Variants in NKAIN2 observed in about 807,000 individuals in gnomAD.
NKAIN2 encodes the protein sodium/potassium-transporting ATPase subunit beta-1-interacting protein 2.
A neutral mutation model predicts 32.6 loss-of-function variants in NKAIN2; 14 were observed. The observed-to-expected ratio is 0.43, with a 90% CI of 0.28 to 0.67. The LOEUF is 0.67. Ranked by LOEUF, NKAIN2 falls within the 30% of genes least tolerant of loss-of-function variation. NKAIN2 has a pLI of 0.17. For missense variants in NKAIN2, 198 were observed against 258.3 expected (o/e 0.77, Z 1.60); for synonymous variants, 80 against 87.2 (o/e 0.92, Z 0.46).
At chr6:123,982,382 G>A (rs1004164821) in intron 1 of NKAIN2, among the ~76,000 whole-genome samples, 1 of 152,198 alleles carries the variant, frequency 6.6e-6, no homozygotes, top group East Asian at 1.9e-4. Context: ...ATAAAGAAAG[G>A]TGACTTTAGG....
chr6:124,333,018 A>G (rs573048282), intron 2 of NKAIN2, among the ~76,000 whole-genome samples: 1 of 152,214 alleles, frequency 6.6e-6, no homozygotes, highest in Non-Finnish European at 1.5e-5. Context: ...ACTAATTTAA[A>G]TAAATATTAT....
At chr6:124,191,427 T>TA (rs2114588381) in intron 1 of NKAIN2, among the ~76,000 whole-genome samples, 1 of 152,238 alleles carries the variant, frequency 6.6e-6, no homozygotes, top group East Asian at 1.9e-4. Context: ...TTCCAGTTTA[T>TA]AGAAATATAA....
At chr6:123,951,058 A>G (rs1292701407) in intron 1 of NKAIN2, among the ~76,000 whole-genome samples, 2 of 151,888 alleles carry the variant, frequency 1.3e-5, no homozygotes, top group Non-Finnish European at 2.9e-5. Context: ...ACTTCCATCT[A>G]TTTATACAAT....
intron 1 of NKAIN2, among the ~76,000 whole-genome samples, chr6:123,884,169 C>T (rs1432854487): frequency 6.6e-6 from 1 of 151,982 alleles, no homozygotes; most frequent in African/African-American, 2.4e-5. Context: ...TGTCCATGTG[C>T]TCTCTTCATT....
At chr6:124,761,032 C>T (rs1778239997) in intron 4 of NKAIN2, among the ~76,000 whole-genome samples, 1 of 152,116 alleles carries the variant, frequency 6.6e-6, no homozygotes, top group African/African-American at 2.4e-5. Flanking sequence ...CCCTCAATTC[C>T]TTCTCTCATG....
At chr6:124,664,731 T>C (rs1487285636) in intron 4 of NKAIN2, among the ~76,000 whole-genome samples, 3 of 121,464 alleles carry the variant, frequency 2.5e-5, no homozygotes, top group African/African-American at 9.5e-5. Flanking sequence ...GAGGCGGAGC[T>C]TGCAGTGAGC....
chr6:124,445,678 T>C lies in NKAIN2; in HGVS notation c.273+90331T>C, dbSNP rs562605683. On this transcript the variant is annotated intron_variant, in intron 3 of 6. Coordinates refer to ENST00000368417, the MANE Select transcript of NKAIN2 (RefSeq NM_001040214.3). ...ATGGCAACAATGATATAATAAATGC[T>C]GAAGGAAGCGTTGACTGAAAACCAT... 1.1e-3 allele frequency among the ~76,000 whole-genome samples: 162 copies of C among 151,972 alleles called. 2 individuals are homozygous for C. The highest frequency in any genetic ancestry group is 9.3e-3 in the South Asian group (45 of 4,826).
chr6:124,314,307 T>G (rs941583004), intron 2 of NKAIN2, among the ~76,000 whole-genome samples: 2 of 152,136 alleles, frequency 1.3e-5, no homozygotes, highest in Admixed American at 1.3e-4. Context: ...AGCAAACCAT[T>G]CAGGACTTTG....
intron 3 of NKAIN2, among the ~76,000 whole-genome samples, chr6:124,589,617 G>A (rs571729844): frequency 6.6e-6 from 1 of 152,256 alleles, no homozygotes; most frequent in Non-Finnish European, 1.5e-5. Flanking sequence ...AAATGTGGGC[G>A]AGAAGAAATT....
At chr6:123,886,627 A>G (rs1773727861) in intron 1 of NKAIN2, among the ~76,000 whole-genome samples, 1 of 152,160 alleles carries the variant, frequency 6.6e-6, no homozygotes, top group Admixed American at 6.6e-5. Context: ...GCCAATATAT[A>G]ACTGCTTTTC....
intron 3 of NKAIN2, among the ~76,000 whole-genome samples, chr6:124,362,719 T>C (rs1799341706): frequency 6.6e-6 from 1 of 152,180 alleles, no homozygotes; most frequent in African/African-American, 2.4e-5. Context: ...TCCAAAATGA[T>C]TTATTATCAT....
At chr6:124,025,296 T>C (rs1025148123) in intron 1 of NKAIN2, among the ~76,000 whole-genome samples, 1 of 152,156 alleles carries the variant, frequency 6.6e-6, no homozygotes, top group Admixed American at 6.5e-5. Context: ...TGTGTATTGC[T>C]GGTCTGAGAC....
intron 1 of NKAIN2, among the ~76,000 whole-genome samples, chr6:123,950,318 A>G (rs1045379080): frequency 6.6e-6 from 1 of 151,888 alleles, no homozygotes; most frequent in Admixed American, 6.6e-5. Context: ...GGCCTCTTCA[A>G]ATGACTTAGA....
At chr6:124,104,653 G>A (rs116568033) in intron 1 of NKAIN2, among the ~76,000 whole-genome samples, 1,649 of 152,310 alleles carry the variant, frequency 0.011, 34 homozygotes, top group African/African-American at 0.037. Context: ...CTAAAATAAA[G>A]GGAAGGAAAC....
intron 1 of NKAIN2, among the ~76,000 whole-genome samples, chr6:123,876,766 G>A (rs1383042447): frequency 6.6e-6 from 1 of 152,174 alleles, no homozygotes; most frequent in Non-Finnish European, 1.5e-5. Flanking sequence ...ATTGGGGAGG[G>A]CCATCTGCTT....
chr6:123,940,851 T>G lies in NKAIN2; in HGVS notation c.54+136597T>G, dbSNP rs187149352. Reference sequence around the variant, plus strand: ...GCTGCACTAAATTTATTTAAAAAATTTTTCATTCTTCAATAATAAATTAAC... The same window carrying G: ...GCTGCACTAAATTTATTTAAAAAATGTTTCATTCTTCAATAATAAATTAAC... On this transcript the variant is annotated intron_variant, in intron 1 of 6. Transcript: ENST00000368417. Among the ~76,000 whole-genome samples, 712 of 152,006 alleles carry G rather than the reference T, an allele frequency of 4.7e-3. 1 individual carries two copies. The highest frequency in any genetic ancestry group is 0.016 in the African/African-American group (680 of 41,494).
At chr6:123,950,108 T>TA in intron 1 of NKAIN2, among the ~76,000 whole-genome samples, 1 of 152,094 alleles carries the variant, frequency 6.6e-6, no homozygotes, top group Non-Finnish European at 1.5e-5. Context: ...TTTTCATATG[T>TA]AGAACCATCC....
chr6:123,882,579 T>C (rs1029886843), intron 1 of NKAIN2, among the ~76,000 whole-genome samples: 2 of 152,218 alleles, frequency 1.3e-5, no homozygotes, highest in Non-Finnish European at 2.9e-5. Flanking sequence ...TTATTTCATA[T>C]ATGTGTATGT....
chr6:124,385,485 A>G (rs927332145), intron 3 of NKAIN2, among the ~76,000 whole-genome samples: 5 of 152,132 alleles, frequency 3.3e-5, no homozygotes, highest in African/African-American at 1.2e-4. Flanking sequence ...AGATCTTTTT[A>G]AACATAAAGA....
Sources: allele counts gnomAD v4.1 joint callset (sites outside exome capture counted in the v4.1 genomes callset), GRCh38; gene constraint gnomAD v4.1.1; transcripts MANE v1.5; gene names NCBI Gene and HGNC (gene_info 2026-07-23, HGNC 2026-07-21).